The following ABLIM1 variants were observed in gnomAD, a reference collection of about 807,000 sequenced individuals.
The protein encoded by ABLIM1 is actin-binding LIM protein 1.
In ABLIM1, 40 loss-of-function variants were observed where a neutral mutation model predicts 107.0. That is an observed-to-expected ratio of 0.37 (90% confidence interval 0.29 to 0.49). ABLIM1 has a LOEUF of 0.49. Among genes scored for constraint, ABLIM1 ranks in the 20% least tolerant of loss-of-function variants. ABLIM1 has a pLI of 0.97. For synonymous variants in ABLIM1, 357 were observed against 357.3 expected, an observed-to-expected ratio of 1.00 and a Z score of 0.01; for missense variants, 857 against 1,008.5, an observed-to-expected ratio of 0.85 and a Z score of 2.04.
intron 6 of ABLIM1, among the ~76,000 whole-genome samples, chr10:114,512,283 AC>A (rs1233071041): frequency 5.3e-5 from 8 of 152,256 alleles, no homozygotes; most frequent in African/African-American, 1.9e-4. Context: ...CTCACGGAGT[AC>A]CTCTTATTCA....
At chr10:114,452,101 AG>A (rs751684704) in intron 13 of ABLIM1, among the ~76,000 whole-genome samples, 2 of 152,204 alleles carry the variant, frequency 1.3e-5, no homozygotes, top group Non-Finnish European at 2.9e-5. Context: ...TCAACTAATG[AG>A]TGGAACAGTG....
At chr10:114,452,476 AAC>A (rs2062060738) in intron 13 of ABLIM1, among the ~76,000 whole-genome samples, 1 of 152,204 alleles carries the variant, frequency 6.6e-6, no homozygotes, top group African/African-American at 2.4e-5. Context: ...GGACAGTCCC[AAC>A]TAAGTGATAT....
At chr10:114,798,825 C>G in the ABLIM1 span, among the ~76,000 whole-genome samples, 30 of 151,704 alleles carry the variant, frequency 2.0e-4, no homozygotes, top group Admixed American at 2.0e-3. Flanking sequence ...GAGACGGAGT[C>G]TCGCTCTGTC....
At chr10:114,588,879 GCTAGAAACTTCCTGCC>G (rs2074499146) in intron 2 of ABLIM1, among the ~76,000 whole-genome samples, 1 of 151,890 alleles carries the variant, frequency 6.6e-6, no homozygotes, top group East Asian at 1.9e-4. Flanking sequence ...ACCAATTCAA[GCTAGAAACTTCCTGCC>G]CTATGTCCAA....
At chr10:114,526,119 C>T (rs549778649) in intron 6 of ABLIM1, among the ~76,000 whole-genome samples, 12 of 152,230 alleles carry the variant, frequency 7.9e-5, no homozygotes, top group Admixed American at 3.9e-4. Flanking sequence ...AACATCTAAA[C>T]ATTTTGTTTC....
intron 1 of ABLIM1, 144 bp downstream of exon 1, chr10:114,657,813 C>A: frequency 5.6e-6 from 4 of 718,494 alleles, no homozygotes; most frequent in Non-Finnish European, 9.0e-6. Context: ...CTCCATCTCT[C>A]CCACCCTCAC....
intron 1 of ABLIM1, among the ~76,000 whole-genome samples, chr10:114,752,643 A>G (rs951000070): frequency 6.6e-6 from 1 of 152,036 alleles, no homozygotes; most frequent in Non-Finnish European, 1.5e-5. Flanking sequence ...CCCTGTGTCT[A>G]TGTGTTCTCA....
At chr10:114,662,372 G>A (rs889182516), upstream of ABLIM1, among the ~76,000 whole-genome samples, 3 of 152,236 alleles carry the variant, frequency 2.0e-5, no homozygotes, top group Middle Eastern at 3.4e-3. Context: ...TGTGAAAAAG[G>A]GGTGCAATTG....
intron 6 of ABLIM1, among the ~76,000 whole-genome samples, chr10:114,493,067 A>T (rs1403688179): frequency 1.3e-5 from 2 of 152,166 alleles, no homozygotes; most frequent in African/African-American, 4.8e-5. Context: ...TTTATTTGTA[A>T]AATTTTTTAC....
At chr10:114,447,776 T>C (rs2061242982) in intron 15 of ABLIM1, 104 bp downstream of exon 15, 3 of 1,496,578 alleles carry the variant, frequency 2.0e-6, no homozygotes, top group Admixed American at 2.0e-5. Flanking sequence ...TACTTTTCTT[T>C]AAAATCTTCA....
chr10:114,547,564 G>T, intron 5 of ABLIM1, 86 bp downstream of exon 5: 1 of 1,567,428 alleles, frequency 6.4e-7, no homozygotes, highest in Non-Finnish European at 8.6e-7. Flanking sequence ...CCATTGATGG[G>T]GTGGGGCCCC....
upstream of ABLIM1, among the ~76,000 whole-genome samples, chr10:114,686,897 G>A (rs59983289): frequency 3.1e-3 from 470 of 152,056 alleles, 2 homozygotes; most frequent in African/African-American, 0.011. Context: ...AAAGTGCTGC[G>A]ATTACAGGCA....
intron 6 of ABLIM1, among the ~76,000 whole-genome samples, chr10:114,492,182 T>C (rs1016552401): frequency 1.3e-5 from 2 of 151,932 alleles, no homozygotes; most frequent in Non-Finnish European, 2.9e-5. Flanking sequence ...ATGCCTGAGA[T>C]GAGTCACTCC....
At chr10:114,499,362 A>G (rs1190275424) in intron 6 of ABLIM1, among the ~76,000 whole-genome samples, 1 of 152,188 alleles carries the variant, frequency 6.6e-6, no homozygotes, top group Non-Finnish European at 1.5e-5. Context: ...TTCTTGTTTT[A>G]TCTTAAAAGA....
chr10:114,519,244 G>A (rs1055750654), intron 6 of ABLIM1, among the ~76,000 whole-genome samples: 2 of 152,186 alleles, frequency 1.3e-5, no homozygotes, highest in Non-Finnish European at 2.9e-5. Context: ...CTGGGTCTCA[G>A]TGTCCTCAAC....
intron 6 of ABLIM1, among the ~76,000 whole-genome samples, chr10:114,539,015 T>C (rs2066337557): frequency 6.6e-6 from 1 of 152,136 alleles, no homozygotes; most frequent in Non-Finnish European, 1.5e-5. Context: ...TGACTTTTGC[T>C]TTTTTTTCCA....
intron 2 of ABLIM1, among the ~76,000 whole-genome samples, chr10:114,598,639 A>C (rs2075692489): frequency 6.6e-6 from 1 of 152,142 alleles, no homozygotes; most frequent in Non-Finnish European, 1.5e-5. Flanking sequence ...AAATGTGTCT[A>C]GTCTAAATTG....
chr10:114,735,976 C>T (rs2082170370), intron 1 of ABLIM1, among the ~76,000 whole-genome samples: 1 of 152,126 alleles, frequency 6.6e-6, no homozygotes, highest in East Asian at 1.9e-4. Context: ...AAATATCTGA[C>T]CAAATATCCT....
chr10:114,690,189 T>C (rs987704907), intron 1 of ABLIM1: 67 of 1,402,204 alleles, frequency 4.8e-5, no homozygotes, highest in Non-Finnish European at 6.2e-5. Context: ...CTTGCTGGTC[T>C]TTCCATTCCT....
Sources: gnomAD v4.1 joint callset for allele counts (sites outside exome capture counted in the v4.1 genomes callset) on GRCh38, gnomAD v4.1.1 for gene constraint, MANE v1.5 for transcripts, NCBI Gene and HGNC (gene_info 2026-07-23, HGNC 2026-07-21) for gene names.